SGCD: variants seen among roughly 807,000 people sequenced by gnomAD.
SGCD encodes delta-sarcoglycan.
A neutral mutation model predicts 36.6 loss-of-function variants in SGCD; 18 were observed. The ratio of observed to expected loss-of-function variants is 0.49; its 90% confidence interval spans 0.34 to 0.73. The LOEUF (loss-of-function observed/expected upper bound fraction) is 0.73, where lower values mean the gene tolerates loss of function less well. Ranked by LOEUF, SGCD falls within the 30% of genes least tolerant of loss-of-function variation. The pLI is 0.01. For missense variants in SGCD, 387 were observed against 346.7 expected (o/e 1.12, Z -0.92); for synonymous variants, 133 against 130.6 (o/e 1.02, Z -0.12).
At chr5:156,614,768 A>T (rs1055200747) in intron 6 of SGCD, among the ~76,000 whole-genome samples, 3 of 152,182 alleles carry the variant, frequency 2.0e-5, no homozygotes, top group Non-Finnish European at 4.4e-5. Context: ...AGCAGCCTGT[A>T]CTTTTCCTCA....
At chr5:156,093,600 C>T (rs562200181) in intron 1 of SGCD, among the ~76,000 whole-genome samples, 6 of 152,296 alleles carry the variant, frequency 3.9e-5, no homozygotes, top group East Asian at 1.9e-4. Flanking sequence ...ACATCAGTAA[C>T]GTTCCAGGTG....
chr5:155,909,247 G>A (rs969406846), intron 1 of SGCD, among the ~76,000 whole-genome samples: 1 of 152,060 alleles, frequency 6.6e-6, no homozygotes, highest in African/African-American at 2.4e-5. Context: ...ATCATTAAGT[G>A]CCAGTAATAC....
At chr5:156,085,959 CTT>C (rs1761081813) in intron 1 of SGCD, among the ~76,000 whole-genome samples, 2 of 152,198 alleles carry the variant, frequency 1.3e-5, no homozygotes, top group Non-Finnish European at 2.9e-5. Context: ...ATGTTTGTCT[CTT>C]CTTGTTTTCC....
At chr5:156,026,531 A>G (rs990220426) in intron 1 of SGCD, among the ~76,000 whole-genome samples, 2 of 152,220 alleles carry the variant, frequency 1.3e-5, no homozygotes, top group Non-Finnish European at 2.9e-5. Context: ...ACTTTCAATT[A>G]TACAAGTCCA....
At chr5:156,073,726 A>G (rs182415899) in intron 1 of SGCD, among the ~76,000 whole-genome samples, 1 of 152,236 alleles carries the variant, frequency 6.6e-6, no homozygotes, top group Non-Finnish European at 1.5e-5. Context: ...AGATCATATC[A>G]TCTAAATCAG....
intron 3 of SGCD, among the ~76,000 whole-genome samples, chr5:156,126,484 A>G (rs1199938008): frequency 6.6e-6 from 1 of 152,190 alleles, no homozygotes; most frequent in Non-Finnish European, 1.5e-5. Flanking sequence ...CGGAGGATGC[A>G]GGGCAAAGAA....
At chr5:156,566,909 A>C (rs1474938757) in intron 4 of SGCD, among the ~76,000 whole-genome samples, 1 of 152,186 alleles carries the variant, frequency 6.6e-6, no homozygotes, top group African/African-American at 2.4e-5. Context: ...ATGATACCTG[A>C]AACCATCTTA....
At chr5:156,608,689 G>C (rs1352407443) in intron 6 of SGCD, among the ~76,000 whole-genome samples, 2 of 152,152 alleles carry the variant, frequency 1.3e-5, no homozygotes, top group Non-Finnish European at 1.5e-5. Flanking sequence ...AATTCTCTTT[G>C]TAGGTCTCTA....
intron 1 of SGCD, among the ~76,000 whole-genome samples, chr5:155,955,002 C>CCAGT (rs1421218418): frequency 6.6e-6 from 1 of 152,094 alleles, no homozygotes; most frequent in Non-Finnish European, 1.5e-5. Context: ...CTGGCAAAGA[C>CCAGT]CAGTGTCTTG....
chr5:156,479,296 A>G (rs1242346918), intron 3 of SGCD, among the ~76,000 whole-genome samples: 1 of 151,856 alleles, frequency 6.6e-6, no homozygotes, highest in African/African-American at 2.4e-5. Flanking sequence ...GGGTTTCAAC[A>G]TGTTGGCCAG....
chr5:155,893,612 A>G (rs1360437704), intron 1 of SGCD, among the ~76,000 whole-genome samples: 1 of 152,256 alleles, frequency 6.6e-6, no homozygotes, highest in Admixed American at 6.5e-5. Flanking sequence ...GCTGACCATC[A>G]GTTAGCTGGA....
At chr5:156,202,995 C>A (rs751379304) in intron 3 of SGCD, among the ~76,000 whole-genome samples, 103 of 151,998 alleles carry the variant, frequency 6.8e-4, no homozygotes, top group Non-Finnish European at 1.3e-3. Context: ...ATTATTAAAG[C>A]TTTGATATAC....
intron 3 of SGCD, among the ~76,000 whole-genome samples, chr5:156,394,796 C>T (rs1339106020): frequency 6.6e-6 from 1 of 152,120 alleles, no homozygotes; most frequent in Non-Finnish European, 1.5e-5. Flanking sequence ...ATGGATGCGC[C>T]AATTCTGTCT....
At chr5:156,577,402 C>CT (rs1760012918) in intron 4 of SGCD, among the ~76,000 whole-genome samples, 1 of 152,122 alleles carries the variant, frequency 6.6e-6, no homozygotes, top group South Asian at 2.1e-4. Flanking sequence ...GCAATGAGGG[C>CT]TATTTTATTT....
At chr5:156,399,978 A>G (rs1298544942) in intron 3 of SGCD, among the ~76,000 whole-genome samples, 1 of 152,154 alleles carries the variant, frequency 6.6e-6, no homozygotes, top group Non-Finnish European at 1.5e-5. Context: ...CATGAAAGTT[A>G]ATAGGTATTC....
chr5:155,814,393 G>C, the SGCD span, among the ~76,000 whole-genome samples: 1 of 152,212 alleles, frequency 6.6e-6, no homozygotes, highest in East Asian at 1.9e-4. Flanking sequence ...CTCTTGCTAC[G>C]TATTCTCATT....
At chr5:156,702,973 C>A (rs1754584989) in intron 7 of SGCD, among the ~76,000 whole-genome samples, 3 of 152,192 alleles carry the variant, frequency 2.0e-5, no homozygotes, top group Admixed American at 1.3e-4. Context: ...AAGATTTGGT[C>A]TCCCTAAGCT....
intron 1 of SGCD, among the ~76,000 whole-genome samples, chr5:155,987,010 T>C (rs1758346253): frequency 6.6e-6 from 1 of 152,138 alleles, no homozygotes; most frequent in Non-Finnish European, 1.5e-5. Context: ...TAAACAACCG[T>C]CTTAATGCAT....
At chr5:156,565,161 A>G (rs1759427011) in intron 4 of SGCD, among the ~76,000 whole-genome samples, 1 of 152,168 alleles carries the variant, frequency 6.6e-6, no homozygotes, top group Non-Finnish European at 1.5e-5. Flanking sequence ...GTACATTATC[A>G]TCTCATGTAT....
Sources: gnomAD v4.1 joint callset for allele counts (sites outside exome capture counted in the v4.1 genomes callset) on GRCh38, gnomAD v4.1.1 for gene constraint, MANE v1.5 for transcripts, NCBI Gene and HGNC (gene_info 2026-07-23, HGNC 2026-07-21) for gene names.